CACNA2D3: variants seen among roughly 807,000 people sequenced by gnomAD.
CACNA2D3 encodes voltage-dependent calcium channel subunit alpha-2/delta-3.
CACNA2D3 carries 60 observed loss-of-function variants against 160.6 expected under a neutral mutation model. The observed-to-expected ratio is 0.37, with a 90% CI of 0.30 to 0.46. The LOEUF (loss-of-function observed/expected upper bound fraction) is 0.46. Among genes scored for constraint, CACNA2D3 ranks in the 20% least tolerant of loss-of-function variants. The pLI is 1.00. For synonymous variants in CACNA2D3, 558 were observed against 492.9 expected (o/e 1.13, Z -1.75); for missense variants, 1,205 against 1,365.0 (o/e 0.88, Z 1.85).
chr3:54,490,634 G>A (rs1363696670), intron 4 of CACNA2D3, among the ~76,000 whole-genome samples: 1 of 152,224 alleles, frequency 6.6e-6, no homozygotes, highest in Non-Finnish European at 1.5e-5. Context: ...CAGGACTGTG[G>A]AGGTGAGAAA....
chr3:54,457,637 G>A (rs1700423357), intron 4 of CACNA2D3, among the ~76,000 whole-genome samples: 2 of 151,906 alleles, frequency 1.3e-5, no homozygotes, highest in South Asian at 4.1e-4. Context: ...GATCTGTCCA[G>A]TACTGAGAGT....
chr3:54,351,754 G>T (rs991119360), intron 3 of CACNA2D3, among the ~76,000 whole-genome samples: 1 of 152,194 alleles, frequency 6.6e-6, no homozygotes, highest in African/African-American at 2.4e-5. Flanking sequence ...GCTGTGCCCT[G>T]TTGTCAGGTA....
At chr3:54,295,067 A>G (rs1703310538) in intron 2 of CACNA2D3, among the ~76,000 whole-genome samples, 1 of 152,158 alleles carries the variant, frequency 6.6e-6, no homozygotes, top group South Asian at 2.1e-4. Context: ...GGCTGTATGG[A>G]TGATGAAGAA....
At chr3:54,609,541 C>T (rs1022102558) in intron 9 of CACNA2D3, among the ~76,000 whole-genome samples, 1 of 152,088 alleles carries the variant, frequency 6.6e-6, no homozygotes, top group Admixed American at 6.5e-5. Context: ...TTTTTATTGG[C>T]AAAGCAGGTG....
At chr3:54,386,208 A>G (rs1316878355) in intron 3 of CACNA2D3, among the ~76,000 whole-genome samples, 1 of 152,224 alleles carries the variant, frequency 6.6e-6, no homozygotes, top group Non-Finnish European at 1.5e-5. Context: ...TAAAATGCAA[A>G]TAACTGTCAC....
intron 35 of CACNA2D3, among the ~76,000 whole-genome samples, chr3:55,023,936 T>C (rs1399112774): frequency 6.7e-6 from 1 of 148,424 alleles, no homozygotes; most frequent in African/African-American, 2.5e-5. Flanking sequence ...GCTTTAAGTG[T>C]CTTCTCTTGT....
At chr3:54,766,649 T>A (rs10865990) in intron 13 of CACNA2D3, among the ~76,000 whole-genome samples, 107,057 of 151,986 alleles carry the variant, frequency 0.7, 38,285 homozygotes, top group Admixed American at 0.8. Flanking sequence ...AAGTTTGTTC[T>A]TTGCAGAGCA....
intron 18 of CACNA2D3, chr3:54,875,694 G>A (rs1235385099): frequency 6.6e-6 from 1 of 152,224 alleles, no homozygotes; most frequent in Non-Finnish European, 1.5e-5. Context: ...GTTATCCAAG[G>A]AGCTTCTGCT....
chr3:54,857,007 C>T (rs1699186186), intron 17 of CACNA2D3, among the ~76,000 whole-genome samples: 1 of 152,172 alleles, frequency 6.6e-6, no homozygotes, highest in African/African-American at 2.4e-5. Context: ...TCTCAAACTC[C>T]TGAGCTCAGG....
At chr3:55,037,573 C>T (rs1024287545) in intron 35 of CACNA2D3, among the ~76,000 whole-genome samples, 1 of 152,150 alleles carries the variant, frequency 6.6e-6, no homozygotes, top group Non-Finnish European at 1.5e-5. Flanking sequence ...AGTCTGCCAT[C>T]GCCATCAATT....
chr3:54,248,521 G>A (rs1295131718), intron 2 of CACNA2D3, among the ~76,000 whole-genome samples: 3 of 151,712 alleles, frequency 2.0e-5, no homozygotes, highest in East Asian at 3.9e-4. Context: ...AAAAAAAAAG[G>A]TGGGGCCCTA....
At chr3:54,192,671 G>GGTGTGTGTGTGTGTGT (rs147191768) in intron 2 of CACNA2D3, among the ~76,000 whole-genome samples, 1 of 149,594 alleles carries the variant, frequency 6.7e-6, no homozygotes, top group Non-Finnish European at 1.5e-5. Context: ...CCATATGTGA[G>GGTGTGTGTGTGTGTGT]GTGTGTGTGT....
chr3:54,401,497 C>G (rs1419925452), intron 4 of CACNA2D3, among the ~76,000 whole-genome samples: 2 of 151,910 alleles, frequency 1.3e-5, no homozygotes, highest in African/African-American at 2.4e-5. Context: ...TTTAAAAGAA[C>G]AAGAGAAAAG....
intron 3 of CACNA2D3, among the ~76,000 whole-genome samples, chr3:54,350,316 T>C (rs950811221): frequency 5.3e-5 from 8 of 152,206 alleles, no homozygotes; most frequent in Admixed American, 6.5e-5. Flanking sequence ...TTCAGATAAG[T>C]ATATTTTCTA....
chr3:54,172,542 G>A (rs1700597647), intron 2 of CACNA2D3, among the ~76,000 whole-genome samples: 2 of 152,206 alleles, frequency 1.3e-5, no homozygotes, highest in South Asian at 4.1e-4. Context: ...CCAATGCTAA[G>A]TACATGGAGA....
intron 24 of CACNA2D3, among the ~76,000 whole-genome samples, chr3:54,889,257 AT>A (rs1327038016): frequency 1.3e-5 from 2 of 152,202 alleles, no homozygotes; most frequent in African/African-American, 4.8e-5. Context: ...TCACTGAAGG[AT>A]TTTAAGAAGG....
intron 26 of CACNA2D3, among the ~76,000 whole-genome samples, chr3:54,897,527 A>C (rs1429328646): frequency 6.6e-6 from 1 of 151,864 alleles, no homozygotes; most frequent in South Asian, 2.1e-4. Flanking sequence ...TGCCTCATGC[A>C]TCTGGTATTT....
At chr3:54,579,527 A>C (rs1415795434) in intron 8 of CACNA2D3, among the ~76,000 whole-genome samples, 1 of 152,244 alleles carries the variant, frequency 6.6e-6, no homozygotes, top group Non-Finnish European at 1.5e-5. Context: ...TGTCATGGTC[A>C]TTTGACTGCC....
At chr3:54,609,118 G>A (rs1400671663) in intron 9 of CACNA2D3, among the ~76,000 whole-genome samples, 1 of 152,120 alleles carries the variant, frequency 6.6e-6, no homozygotes, top group African/African-American at 2.4e-5. Flanking sequence ...GGTTAAATGA[G>A]GTCATAAGGG....
Sources: allele counts gnomAD v4.1 joint callset (sites outside exome capture counted in the v4.1 genomes callset), GRCh38; gene constraint gnomAD v4.1.1; transcripts MANE v1.5; gene names NCBI Gene and HGNC (gene_info 2026-07-23, HGNC 2026-07-21).